SESN3: variants seen among roughly 807,000 people sequenced by gnomAD.
SESN3 encodes the protein sestrin 3, also known as sestrin-3.
In SESN3, 21 loss-of-function variants were observed where a neutral mutation model predicts 55.3. That is an observed-to-expected ratio of 0.38 (90% CI 0.27 to 0.55). The LOEUF is 0.55. Among genes scored for constraint, SESN3 ranks in the 20% least tolerant of loss-of-function variants. The pLI is 0.76. For synonymous variants in SESN3, 181 were observed against 203.1 expected, an observed-to-expected ratio of 0.89 and a Z score of 0.93; for missense variants, 408 against 604.3, an observed-to-expected ratio of 0.68 and a Z score of 3.41.
At chr11:95,227,157 T>TTA (rs1368815222) in intron 1 of SESN3, among the ~76,000 whole-genome samples, 2 of 152,054 alleles carry the variant, frequency 1.3e-5, no homozygotes, top group Admixed American at 6.6e-5. Flanking sequence ...AAAATGAGGC[T>TTA]CATATAGTTC....
intron 1 of SESN3, among the ~76,000 whole-genome samples, chr11:95,207,632 A>C (rs1477748139): frequency 4.6e-5 from 7 of 151,586 alleles, no homozygotes; most frequent in Non-Finnish European, 8.8e-5. Context: ...TTATTTTAAA[A>C]ATAATTTTAC....
intron 1 of SESN3, among the ~76,000 whole-genome samples, chr11:95,211,630 C>T (rs1486070330): frequency 6.6e-6 from 1 of 152,092 alleles, no homozygotes; most frequent in Non-Finnish European, 1.5e-5. Context: ...ATTGGCTGGG[C>T]ATGGTGGCGC....
At chr11:95,202,063 C>G (rs1860469598) in intron 1 of SESN3, among the ~76,000 whole-genome samples, 1 of 151,894 alleles carries the variant, frequency 6.6e-6, no homozygotes, top group Non-Finnish European at 1.5e-5. Context: ...CCAAGGTTTC[C>G]TATGAAAGCT....
intron 1 of SESN3, among the ~76,000 whole-genome samples, chr11:95,229,926 CAA>C (rs35284240): frequency 0.011 from 1,739 of 152,280 alleles, 41 homozygotes; most frequent in African/African-American, 0.04. Flanking sequence ...AAAATCTGAT[CAA>C]AAAGTCTAGA....
intron 1 of SESN3, among the ~76,000 whole-genome samples, chr11:95,200,220 C>A (rs911159102): frequency 1.3e-5 from 2 of 151,876 alleles, no homozygotes; most frequent in Non-Finnish European, 2.9e-5. Context: ...GCTGATGTAA[C>A]CCTAGATGAG....
intron 9 of SESN3, among the ~76,000 whole-genome samples, chr11:95,175,267 G>C (rs1034884814): frequency 6.6e-6 from 1 of 152,142 alleles, no homozygotes; most frequent in Non-Finnish European, 1.5e-5. Context: ...GGGAGGGTGA[G>C]GCAGAAGAAT....
rs1011231775 is a variant in SESN3 at position 95,207,952 on chromosome 11, G to T, written c.79-14430C>A. 7.3e-5 allele frequency among the ~76,000 whole-genome samples: 11 copies of T among 151,274 alleles called. 1 individual carries two copies. Among genetic ancestry groups the T allele is most frequent in the African/African-American group, 2.7e-4 (11 of 41,308 alleles). Reference sequence around the variant, plus strand: ...GCCTCCCACAGTGCTGGGATTATAGGCGTGAGCCACCACACCCAGCTAATT... The same window carrying T: ...GCCTCCCACAGTGCTGGGATTATAGTCGTGAGCCACCACACCCAGCTAATT... On this transcript the variant is annotated intron_variant, in intron 1 of 9. Coordinates refer to ENST00000536441, the MANE Select transcript of SESN3 (RefSeq NM_144665.4).
Position 95,229,047 on chromosome 11 carries a change from A to T in SESN3, c.78+1736T>A, listed in dbSNP as rs546287199. On this transcript the variant is annotated intron_variant, in intron 1 of 9. Transcript: ENST00000536441. ...AACAAATTGCCAGAGCCATTAAAAA[A>T]TTTTTTTATCAAAGTCAATACAGTG... 5.3e-5 allele frequency among the ~76,000 whole-genome samples: 8 copies of T among 152,302 alleles called. No individual in the cohort carries two copies. In the South Asian group the frequency reaches 6.2e-4, roughly 12 times the overall value.
intron 1 of SESN3, among the ~76,000 whole-genome samples, chr11:95,199,094 T>C (rs1860416340): frequency 6.6e-6 from 1 of 151,964 alleles, no homozygotes; most frequent in Admixed American, 6.6e-5. Context: ...ATGAAAGAAA[T>C]TATCTAAAAT....
chr11:95,191,643 TAA>T, intron 2 of SESN3, 42 bp from the exon 3 acceptor site: 1 of 1,480,356 alleles, frequency 6.8e-7, no homozygotes, highest in African/African-American at 1.4e-5. Flanking sequence ...TATTGAGACA[TAA>T]ACACACCCTT....
At chr11:95,190,777 T>C (rs1182369330) in intron 3 of SESN3, among the ~76,000 whole-genome samples, 1 of 152,026 alleles carries the variant, frequency 6.6e-6, no homozygotes, top group African/African-American at 2.4e-5. Flanking sequence ...TCAGCCCAGT[T>C]TCTTCCCCAA....
rs918674606 is a variant in SESN3, at chr11:95,165,887, A to C, written c.*7368T>G. Reference sequence around the variant, plus strand: ...CTTTAGTCAGAACTGTAAAATCAGCAAACATAAGAAAAACAAAACCTAGTA... The same window carrying C: ...CTTTAGTCAGAACTGTAAAATCAGCCAACATAAGAAAAACAAAACCTAGTA... On this transcript the variant is annotated 3_prime_UTR_variant, in exon 10 of 10. Coordinates refer to ENST00000536441, the MANE Select transcript of SESN3 (RefSeq NM_144665.4). 3 of 152,180 alleles carry C rather than the reference A, an allele frequency of 2.0e-5. No homozygotes were observed. The highest frequency in any genetic ancestry group is 1.3e-4 in the Admixed American group (2 of 15,270). The allele number at this position is 152,180 out of a possible 1,614,324, so 9.4% of individuals were successfully genotyped here. A position where few individuals can be genotyped will look rare whatever the true frequency, so the allele number is the denominator to read the frequency against.
At chr11:95,218,466 T>C (rs1029062450) in intron 1 of SESN3, among the ~76,000 whole-genome samples, 9 of 152,238 alleles carry the variant, frequency 5.9e-5, no homozygotes, top group African/African-American at 1.2e-4. Context: ...AAGATATTCA[T>C]ATAGTATTCA....
chr11:95,184,221 C>A, intron 6 of SESN3, 199 bp downstream of exon 6: 1 of 599,256 alleles, frequency 1.7e-6, no homozygotes, highest in Non-Finnish European at 3.0e-6. Context: ...CTGAAAGTTT[C>A]TCTCAACTCA....
chr11:95,214,977 G>C (rs984650577), intron 1 of SESN3, among the ~76,000 whole-genome samples: 2 of 152,114 alleles, frequency 1.3e-5, no homozygotes, highest in Admixed American at 1.3e-4. Context: ...CTTACAGTGA[G>C]AGCATATTAT....
At chr11:95,195,253 A>C (rs1860339912) in intron 1 of SESN3, among the ~76,000 whole-genome samples, 1 of 152,160 alleles carries the variant, frequency 6.6e-6, no homozygotes, top group African/African-American at 2.4e-5. Context: ...TTTACCTTTA[A>C]ATGTTTCATA....
Position 95,170,267 on chromosome 11 carries a change from T to C in SESN3, c.*2988A>G, listed in dbSNP as rs953608597. On this transcript the variant is annotated 3_prime_UTR_variant, in exon 10 of 10. Transcript: ENST00000536441. ...TTTCAGGTGGGAGAGTATCTCAATATTTCTTAAGGTGATCTGAGAAATTAT... is the reference window on the plus strand; with the variant it reads ...TTTCAGGTGGGAGAGTATCTCAATACTTCTTAAGGTGATCTGAGAAATTAT... 6.6e-6 allele frequency: 1 copy of C among 152,196 alleles called. No individual in the cohort carries two copies. Among genetic ancestry groups the C allele is most frequent in the Non-Finnish European group, 1.5e-5 (1 of 68,030 alleles). 9.4% of individuals were successfully genotyped at this position (152,196 alleles called of 1,614,324 possible).
intron 1 of SESN3, among the ~76,000 whole-genome samples, chr11:95,195,532 C>T (rs562893574): frequency 4.6e-5 from 7 of 152,258 alleles, no homozygotes; most frequent in South Asian, 4.1e-4. Flanking sequence ...TAACCAGCTA[C>T]GGCGTATGAC....
At chr11:95,183,454 A>G (rs1042375735) in intron 6 of SESN3, among the ~76,000 whole-genome samples, 3 of 152,154 alleles carry the variant, frequency 2.0e-5, no homozygotes, top group Non-Finnish European at 4.4e-5. Flanking sequence ...GTTACGGCTG[A>G]AACAATTCTC....
Sources: allele counts gnomAD v4.1 joint callset (sites outside exome capture counted in the v4.1 genomes callset), GRCh38; gene constraint gnomAD v4.1.1; transcripts MANE v1.5; gene names NCBI Gene and HGNC (gene_info 2026-07-23, HGNC 2026-07-21).